Variants in MCC observed in about 807,000 individuals in gnomAD.
The protein encoded by MCC is MCC regulator of Wnt signaling pathway, also known as colorectal mutant cancer protein.
Under a neutral mutation model 116.2 loss-of-function variants are expected in MCC, and 90 were observed. That is an observed-to-expected ratio of 0.77 (90% CI 0.65 to 0.92). The LOEUF is 0.92. Ranked by LOEUF, MCC falls within the 40% of genes least tolerant of loss-of-function variation. The pLI is 0.00. For synonymous variants in MCC, 578 were observed against 510.5 expected (o/e 1.13, Z -1.78); for missense variants, 1,516 against 1,312.2 (o/e 1.16, Z -2.40).
intron 3 of MCC, among the ~76,000 whole-genome samples, chr5:113,221,563 C>T (rs1763552926): frequency 6.6e-6 from 1 of 152,162 alleles, no homozygotes; most frequent in Admixed American, 6.5e-5. Context: ...GATTTTAAAC[C>T]TCTCCAAATT....
At chr5:113,397,820 A>G (rs966465636) in intron 1 of MCC, among the ~76,000 whole-genome samples, 2 of 152,218 alleles carry the variant, frequency 1.3e-5, no homozygotes, top group Admixed American at 6.5e-5. Context: ...AATTGCAACA[A>G]AAATAAAAAT....
At chr5:113,470,769 C>A (rs1561589374) in intron 1 of MCC, among the ~76,000 whole-genome samples, 1 of 151,060 alleles carries the variant, frequency 6.6e-6, no homozygotes, top group Non-Finnish European at 1.5e-5. Context: ...TAATATCCTG[C>A]AGTGTTTTCC....
chr5:113,169,378 T>C (rs909393887), intron 3 of MCC, among the ~76,000 whole-genome samples: 1 of 152,152 alleles, frequency 6.6e-6, no homozygotes, highest in Non-Finnish European at 1.5e-5. Context: ...GGACCATTCC[T>C]GCACCCAAAT....
chr5:113,360,804 C>G (rs547599663), intron 2 of MCC, among the ~76,000 whole-genome samples: 1 of 152,250 alleles, frequency 6.6e-6, no homozygotes, highest in African/African-American at 2.4e-5. Flanking sequence ...ATAATAAACC[C>G]TGACTTGGCC....
At position 113,062,725 on chromosome 5, in the gene MCC, T is replaced by G. The variant is rs142599160; in HGVS notation, c.2213+1259A>C. The stretch of plus-strand genomic sequence containing the variant: ...CTGAATGAGACAATTGTTGCTGAAG[T>G]AAAGAAGAATCAAGTCCCTTTTGTT... On this transcript the variant is annotated intron_variant, in intron 14 of 18. Coordinates refer to ENST00000408903, the MANE Select transcript of MCC (RefSeq NM_001085377.2). Among the ~76,000 whole-genome samples, 176 of 152,360 alleles carry G rather than the reference T, an allele frequency of 1.2e-3. 1 individual carries two copies. In the East Asian group the frequency reaches 0.016, roughly 14 times the overall value.
At chr5:113,484,897 G>C (rs1772474470) in intron 1 of MCC, among the ~76,000 whole-genome samples, 1 of 152,196 alleles carries the variant, frequency 6.6e-6, no homozygotes, top group Admixed American at 6.5e-5. Context: ...ATGTGGTAAA[G>C]TCATTGTAAG....
chr5:113,416,883 C>T (rs1159306210), intron 1 of MCC, among the ~76,000 whole-genome samples: 2 of 151,078 alleles, frequency 1.3e-5, no homozygotes, highest in Non-Finnish European at 2.9e-5. Flanking sequence ...CAACAATTTG[C>T]AAATTATTGA....
At chr5:113,041,036 T>G (rs1288029447) in intron 17 of MCC, among the ~76,000 whole-genome samples, 1 of 152,154 alleles carries the variant, frequency 6.6e-6, no homozygotes, top group Non-Finnish European at 1.5e-5. Flanking sequence ...TCATTAGGAT[T>G]TGTTGAGGGC....
intron 16 of MCC, among the ~76,000 whole-genome samples, chr5:113,045,145 A>G (rs1751986790): frequency 6.6e-6 from 1 of 152,170 alleles, no homozygotes; most frequent in Admixed American, 6.5e-5. Context: ...TTTGATGTTA[A>G]CATTTCGTGA....
intron 3 of MCC, among the ~76,000 whole-genome samples, chr5:113,282,648 A>T (rs567800437): frequency 1.3e-5 from 2 of 152,112 alleles, no homozygotes; most frequent in Non-Finnish European, 2.9e-5. Context: ...CCTCAATCTT[A>T]ACACCCTGTT....
At chr5:113,139,438 C>A (rs1242917337) in intron 5 of MCC, among the ~76,000 whole-genome samples, 1 of 152,104 alleles carries the variant, frequency 6.6e-6, no homozygotes, top group African/African-American at 2.4e-5. Flanking sequence ...CTGAGTTCCT[C>A]CCTCCCTGGT....
chr5:113,364,263 A>G lies in MCC; in HGVS notation c.415+20705T>C, dbSNP rs1039970938. On this transcript the variant is annotated intron_variant, in intron 2 of 18. Coordinates refer to ENST00000408903, the MANE Select transcript of MCC (RefSeq NM_001085377.2). ...GAAAAAAAAAAAAAAAAAAAAAACCAGAAAAAAAAAAAAAAGGAACTCTAG... is the reference window on the plus strand; with the variant it reads ...GAAAAAAAAAAAAAAAAAAAAAACCGGAAAAAAAAAAAAAAGGAACTCTAG... Among the ~76,000 whole-genome samples the G allele has an allele frequency of 9.1e-5, 7 of 77,106 alleles. 1 individual carries two copies. Among genetic ancestry groups the G allele is most frequent in the Non-Finnish European group, 1.6e-4 (6 of 36,420 alleles). 50.6% of individuals were successfully genotyped at this position (77,106 alleles called of 152,430 possible).
chr5:113,183,593 C>T (rs1035506000), intron 3 of MCC, among the ~76,000 whole-genome samples: 1 of 152,042 alleles, frequency 6.6e-6, no homozygotes, highest in African/African-American at 2.4e-5. Context: ...AAATTACAAT[C>T]CCCCCTCAGC....
At chr5:113,083,031 C>G in intron 10 of MCC, 23 bp from the exon 11 acceptor site, 1 of 1,599,202 alleles carries the variant, frequency 6.3e-7, no homozygotes, top group East Asian at 2.2e-5. Context: ...GCATTAATTC[C>G]CCTTTGGAAC....
intron 5 of MCC, among the ~76,000 whole-genome samples, chr5:113,127,242 A>T (rs1272231031): frequency 6.6e-6 from 1 of 152,130 alleles, no homozygotes; most frequent in Admixed American, 6.5e-5. Context: ...TTCTTTATCT[A>T]ATCTGTCACT....
chr5:113,068,220 G>A (rs756922888), intron 12 of MCC, 37 bp from the exon 13 acceptor site: 1 of 1,526,838 alleles, frequency 6.5e-7, no homozygotes, highest in East Asian at 2.3e-5. Flanking sequence ...CCCTTGCAGA[G>A]AACAGCGGAC....
intron 3 of MCC, among the ~76,000 whole-genome samples, chr5:113,187,733 C>T (rs569569176): frequency 1.5e-5 from 2 of 135,956 alleles, no homozygotes; most frequent in Non-Finnish European, 3.1e-5. Flanking sequence ...CCGGCCTGGG[C>T]GACTGAGTGA....
intron 2 of MCC, among the ~76,000 whole-genome samples, chr5:113,377,003 T>G (rs992146149): frequency 1.3e-5 from 2 of 152,184 alleles, no homozygotes; most frequent in African/African-American, 4.8e-5. Flanking sequence ...CCCGACAGAA[T>G]GGCTGTAAGA....
chr5:113,420,129 CAA>C (rs1770285958), intron 1 of MCC, among the ~76,000 whole-genome samples: 1 of 122,118 alleles, frequency 8.2e-6, no homozygotes, highest in Non-Finnish European at 1.6e-5. Context: ...TTCATTGTGC[CAA>C]AGTTTACTTA....
Sources: gnomAD v4.1 joint callset for allele counts (sites outside exome capture counted in the v4.1 genomes callset) on GRCh38, gnomAD v4.1.1 for gene constraint, MANE v1.5 for transcripts, NCBI Gene and HGNC (gene_info 2026-07-23, HGNC 2026-07-21) for gene names.